Variants in GARNL3 observed in about 807,000 individuals in gnomAD.
The protein encoded by GARNL3 is GTPase activating Rap/RanGAP domain like 3, also known as GTPase-activating Rap/Ran-GAP domain-like protein 3.
GARNL3 carries 63 observed loss-of-function variants against 125.0 expected under a neutral mutation model. The observed-to-expected ratio is 0.50, with a 90% CI of 0.41 to 0.62. The LOEUF is 0.62. GARNL3 is among the 20% of genes least tolerant of loss of function. The pLI is 0.00. For synonymous variants in GARNL3, 439 were observed against 457.5 expected, an observed-to-expected ratio of 0.96 and a Z score of 0.52; for missense variants, 994 against 1,244.0, an observed-to-expected ratio of 0.80 and a Z score of 3.02.
chr9:127,360,498 G>A (rs1002289448), intron 21 of GARNL3, among the ~76,000 whole-genome samples: 6 of 152,090 alleles, frequency 3.9e-5, no homozygotes, highest in Non-Finnish European at 7.4e-5. Flanking sequence ...TTTCAAGGAG[G>A]GTACTGTCTG....
At chr9:127,234,556 G>A (rs952285039) in intron 1 of GARNL3, among the ~76,000 whole-genome samples, 2 of 152,226 alleles carry the variant, frequency 1.3e-5, no homozygotes, top group African/African-American at 2.4e-5. Flanking sequence ...CAGTAAGCAA[G>A]TATGAGTTAG....
chr9:127,294,430 A>G (rs2064522330), intron 2 of GARNL3, among the ~76,000 whole-genome samples: 1 of 152,006 alleles, frequency 6.6e-6, no homozygotes, highest in East Asian at 1.9e-4. Context: ...CAGCCTCCCA[A>G]GTAGCTGGGA....
intron 11 of GARNL3, among the ~76,000 whole-genome samples, chr9:127,336,498 G>A (rs1829561762): frequency 6.6e-6 from 1 of 152,142 alleles, no homozygotes; most frequent in Admixed American, 6.5e-5. Flanking sequence ...ACAAAATGAG[G>A]AAAACTTCCT....
Position 127,371,378 on chromosome 9 carries a change from G to A in GARNL3, c.2161+6012G>A, listed in dbSNP as rs570536593. Among the ~76,000 whole-genome samples, 29 of 152,206 alleles carry A rather than the reference G, an allele frequency of 1.9e-4. 1 individual carries two copies. The South Asian group carries it at 3.7e-3, about 20-fold the overall frequency. On this transcript the variant is annotated intron_variant, in intron 22 of 27. Coordinates refer to ENST00000373387, the MANE Select transcript of GARNL3 (RefSeq NM_032293.5). ...TCTGCCTTCCTCTGCCTTCCTTCAC[G>A]TAGGAAATCTCTATGTGATTTCCAG...
chr9:127,388,780 T>C, intron 25 of GARNL3, 124 bp from the exon 26 acceptor site: 1 of 685,898 alleles, frequency 1.5e-6, no homozygotes. Flanking sequence ...CAGTGGGACA[T>C]TACAGATCAG....
intron 22 of GARNL3, among the ~76,000 whole-genome samples, chr9:127,371,225 C>T (rs765181923): frequency 2.6e-5 from 4 of 152,228 alleles, no homozygotes; most frequent in Non-Finnish European, 5.9e-5. Context: ...CACGGAATTT[C>T]TTGGACTTTG....
rs1588710327 is a variant in GARNL3 at position 127,264,794 on chromosome 9, G to T, written c.-84G>T. 7.5e-7 allele frequency: 1 copy of T among 1,338,288 alleles called. No individual in the cohort carries two copies. Among genetic ancestry groups the T allele is most frequent in the East Asian group, 2.9e-5 (1 of 34,870 alleles). 82.9% of individuals were successfully genotyped at this position (1,338,288 alleles called of 1,614,324 possible). ...AAGCCAGGCTCTGCAATGGCTGCTGGGGACTGTGTCTGTTGCAAGGAGGCT... is the reference window on the plus strand; with the variant it reads ...AAGCCAGGCTCTGCAATGGCTGCTGTGGACTGTGTCTGTTGCAAGGAGGCT... On this transcript the variant is annotated 5_prime_UTR_variant, in exon 1 of 28. Transcript: ENST00000373387.
intron 11 of GARNL3, among the ~76,000 whole-genome samples, chr9:127,336,540 A>C (rs1483425742): frequency 6.6e-6 from 1 of 152,214 alleles, no homozygotes; most frequent in African/African-American, 2.4e-5. Flanking sequence ...ATTTAGAAGA[A>C]TTATAGGTGC....
intron 2 of GARNL3, among the ~76,000 whole-genome samples, chr9:127,293,654 C>T (rs897051823): frequency 3.3e-5 from 5 of 151,882 alleles, no homozygotes; most frequent in Non-Finnish European, 7.4e-5. Flanking sequence ...CCGAGAATTC[C>T]AATATGTGAA....
intron 2 of GARNL3, among the ~76,000 whole-genome samples, chr9:127,255,243 A>G (rs1323894231): frequency 6.6e-6 from 1 of 152,218 alleles, no homozygotes; most frequent in Non-Finnish European, 1.5e-5. Flanking sequence ...AACAACCAAA[A>G]TGTCCATCAA....
rs1832956530 is a variant in GARNL3, at chr9:127,393,097, C to T, written c.2885C>T (p.Ser962Phe). ...SSSSDRIPSG[S>F]LESASTSEAN... ...TTCTCTTCTAGGATCCCATCAGGCT[C>T]CTTGGAAAGTGCTTCTACTTCCGAA... The change falls in exon 28 of 28, where the codon TCC (serine) becomes TTC (phenylalanine). Residue 962 changes from serine (S) to phenylalanine (F), a missense_variant. This residue lies in a region of GARNL3 where 728 missense variants were observed against 865.7 expected (regional missense o/e 0.84). Transcript: ENST00000373387. 1.2e-6 allele frequency: 2 copies of T among 1,603,558 alleles called. No homozygotes were observed. Among genetic ancestry groups the T allele is most frequent in the Admixed American group, 1.7e-5 (1 of 59,798 alleles).
At chr9:127,324,216 G>A (rs1038376072) in intron 6 of GARNL3, among the ~76,000 whole-genome samples, 5 of 152,084 alleles carry the variant, frequency 3.3e-5, no homozygotes, top group Non-Finnish European at 5.9e-5. Context: ...GCACCACTGT[G>A]CTCCAGCCTG....
intron 7 of GARNL3, among the ~76,000 whole-genome samples, chr9:127,328,810 GT>G (rs1829042233): frequency 6.6e-6 from 1 of 152,100 alleles, no homozygotes; most frequent in Admixed American, 6.5e-5. Context: ...CTGCCTGTTG[GT>G]TTGTAATCAG....
chr9:127,273,666 T>G (rs552306310), intron 1 of GARNL3, among the ~76,000 whole-genome samples: 1 of 152,322 alleles, frequency 6.6e-6, no homozygotes, highest in East Asian at 1.9e-4. Context: ...AGCAGCCAGA[T>G]AGATCTTGGT....
chr9:127,358,158 G>A (rs940031938), intron 21 of GARNL3, among the ~76,000 whole-genome samples: 25 of 152,192 alleles, frequency 1.6e-4, no homozygotes, highest in African/African-American at 5.5e-4. Flanking sequence ...GAACCTTGGC[G>A]CCCACTGGAC....
In GARNL3 at chr9:127,344,328, A is replaced by T; in HGVS notation, c.1345A>T (p.Arg449Ter). ...KEEARQAEFV[R>*]IGQALKLKSI... ...GGAGGCCCGCCAGGCGGAGTTTGTT[A>T]GAATAGGGCAGGTGGGTTTTCTTCT... The change falls in exon 15 of 28, where the codon AGA (arginine) becomes TGA (stop). Residue 449 changes from arginine to a stop codon, truncating the protein, a stop_gained. Transcript: ENST00000373387. LOFTEE classifies it high-confidence loss of function. 1 of 1,612,226 alleles carries T rather than the reference A, an allele frequency of 6.2e-7. No individual in the cohort carries two copies. Among genetic ancestry groups the T allele is most frequent in the Non-Finnish European group, 8.5e-7 (1 of 1,178,206 alleles).
chr9:127,291,354 C>A, intron 2 of GARNL3, 112 bp downstream of exon 2: 1 of 909,540 alleles, frequency 1.1e-6, no homozygotes, highest in Non-Finnish European at 1.7e-6. Context: ...CAGAGCTTTG[C>A]TTGAAGCAAA....
intron 22 of GARNL3, among the ~76,000 whole-genome samples, chr9:127,368,586 C>A (rs1831424586): frequency 6.6e-6 from 1 of 151,330 alleles, no homozygotes; most frequent in Non-Finnish European, 1.5e-5. Context: ...CTGCCTCAGC[C>A]TCCCAAAGTG....
At chr9:127,281,224 A>C (rs2812295) in intron 1 of GARNL3, among the ~76,000 whole-genome samples, 4 of 152,128 alleles carry the variant, frequency 2.6e-5, no homozygotes, top group Admixed American at 2.6e-4. Context: ...AGCTGTGCCA[A>C]TGAGAAGGAG....
Sources: gnomAD v4.1 joint callset for allele counts (sites outside exome capture counted in the v4.1 genomes callset) on GRCh38, gnomAD v4.1.1 for gene constraint, gnomAD v4.1.1 regional missense constraint, MANE v1.5 for transcripts, NCBI Gene and HGNC (gene_info 2026-07-23, HGNC 2026-07-21) for gene names.